RASD2: variants seen among roughly 807,000 people sequenced by gnomAD.
RASD2 encodes the protein RASD family member 2, also known as GTP-binding protein Rhes.
RASD2 carries 7 observed loss-of-function variants against 15.8 expected under a neutral mutation model. The ratio of observed to expected loss-of-function variants is 0.44; its 90% confidence interval spans 0.25 to 0.83. The LOEUF (loss-of-function observed/expected upper bound fraction) is 0.83, where lower values mean the gene tolerates loss of function less well. Among genes scored for constraint, RASD2 ranks in the 40% least tolerant of loss-of-function variants. The probability of loss-of-function intolerance (pLI) is 0.20; values close to 1 mark genes in which losing one functional copy is unlikely to be tolerated. For synonymous variants in RASD2, 155 were observed against 153.6 expected, an observed-to-expected ratio of 1.01 and a Z score of -0.07; for missense variants, 274 against 382.8, an observed-to-expected ratio of 0.72 and a Z score of 2.37.
rs113187606 is a variant in RASD2, at chr22:35,546,662, A to C, written c.-9-139A>C. On this transcript the variant is annotated intron_variant, in intron 1 of 2. Transcript: ENST00000216127. ...TGAATGAATGAGAGGGTAGAACTCC[A>C]AGACCCCTTAGAACCTCGTCTGATG... 1.6e-5 allele frequency: 19 copies of C among 1,186,578 alleles called. No homozygotes were observed. The East Asian group carries it at 4.9e-4, about 30-fold the overall frequency. The allele number at this position is 1,186,578 out of a possible 1,614,324, so 73.5% of individuals were successfully genotyped here.
chr22:35,547,968 G>A (rs1010922147), intron 2 of RASD2, among the ~76,000 whole-genome samples: 1 of 152,204 alleles, frequency 6.6e-6, no homozygotes, highest in African/African-American at 2.4e-5. Flanking sequence ...CTTTTTACAA[G>A]TGGGGAAACT....
intron 1 of RASD2, 72 bp from the exon 2 acceptor site, chr22:35,546,729 C>A: frequency 6.5e-7 from 1 of 1,545,854 alleles, no homozygotes; most frequent in Non-Finnish European, 8.7e-7. Flanking sequence ...AGACAGAGGC[C>A]TAGAGGAGGC....
chr22:35,544,426 G>A (rs73883454), intron 1 of RASD2, among the ~76,000 whole-genome samples: 4,856 of 152,338 alleles, frequency 0.032, 259 homozygotes, highest in African/African-American at 0.11. Context: ...GCTGCCCTAG[G>A]GGAGGGCCCT....
intron 1 of RASD2, 102 bp from the exon 2 acceptor site, chr22:35,546,699 C>G: frequency 7.0e-7 from 1 of 1,436,642 alleles, no homozygotes; most frequent in Non-Finnish European, 9.2e-7. Context: ...TCCCATTTTA[C>G]AGACAGAAAA....
chr22:35,546,033 G>A (rs1055573363), intron 1 of RASD2, among the ~76,000 whole-genome samples: 9 of 152,158 alleles, frequency 5.9e-5, no homozygotes, highest in African/African-American at 1.9e-4. Context: ...GCCATGGGTC[G>A]TTCCCCATTC....
upstream of RASD2, among the ~76,000 whole-genome samples, chr22:35,539,305 C>T (rs1160494808): frequency 2.0e-5 from 3 of 152,248 alleles, no homozygotes; most frequent in Middle Eastern, 3.4e-3. Context: ...AGGACTTGAA[C>T]GCCAGTCTCT....
At chr22:35,540,320 G>T (rs1274571258), upstream of RASD2, among the ~76,000 whole-genome samples, 1 of 151,098 alleles carries the variant, frequency 6.6e-6, no homozygotes, top group Admixed American at 6.6e-5. Flanking sequence ...CAAGGTGCGC[G>T]CGCCCAGCGG....
intron 2 of RASD2, among the ~76,000 whole-genome samples, chr22:35,549,540 G>C (rs555178932): frequency 6.6e-6 from 1 of 152,120 alleles, no homozygotes; most frequent in African/African-American, 2.4e-5. Flanking sequence ...TTAGCCTAAC[G>C]GGATGGGGTT....
rs1484347872 is a variant in RASD2, at chr22:35,552,119, C to T, written c.*87C>T. On this transcript the variant is annotated 3_prime_UTR_variant, in exon 3 of 3. Transcript: ENST00000216127. ...TGTGCGCATCTCCCCACCGAGGCCC[C>T]GGCAGCAGTCTTGTTCACAGACCTT... 6 of 1,468,940 alleles carry T rather than the reference C, an allele frequency of 4.1e-6. No homozygotes were observed. Among genetic ancestry groups the T allele is most frequent in the Admixed American group, 2.1e-5 (1 of 48,766 alleles). The allele number at this position is 1,468,940 out of a possible 1,614,324, so 91.0% of individuals were successfully genotyped here. A position where few individuals can be genotyped will look rare whatever the true frequency, so the allele number is the denominator to read the frequency against.
chr22:35,537,949 C>T (rs1934266663), upstream of RASD2, among the ~76,000 whole-genome samples: 1 of 140,598 alleles, frequency 7.1e-6, no homozygotes, highest in African/African-American at 2.6e-5. Flanking sequence ...GACTTTATAT[C>T]TTTTTTTTTT....
chr22:35,532,961 T>C, the RASD2 span, among the ~76,000 whole-genome samples: 2 of 152,170 alleles, frequency 1.3e-5, no homozygotes, highest in African/African-American at 2.4e-5. Flanking sequence ...AAAAACAGAC[T>C]AAGAATCCCA....
intron 1 of RASD2, among the ~76,000 whole-genome samples, chr22:35,544,564 C>T (rs569967796): frequency 3.9e-4 from 59 of 152,224 alleles, no homozygotes; most frequent in Non-Finnish European, 5.6e-4. Context: ...CTTTATTGAG[C>T]CCCTGCTCTG....
chr22:35,532,878 A>G, the RASD2 span, among the ~76,000 whole-genome samples: 1 of 152,180 alleles, frequency 6.6e-6, no homozygotes, highest in South Asian at 2.1e-4. Flanking sequence ...GGTCAGAAAC[A>G]GGAGGTGTTA....
chr22:35,547,428 G>T (rs571667285), intron 2 of RASD2, among the ~76,000 whole-genome samples: 1 of 152,266 alleles, frequency 6.6e-6, no homozygotes, highest in South Asian at 2.1e-4. Context: ...AGAGCTCCAG[G>T]GCCCAAGGTC....
chr22:35,550,048 G>T (rs756874159), intron 2 of RASD2, among the ~76,000 whole-genome samples: 5 of 152,052 alleles, frequency 3.3e-5, no homozygotes, highest in Non-Finnish European at 7.4e-5. Context: ...ATCTCTTGAG[G>T]TCAGGAGTTC....
the RASD2 span, among the ~76,000 whole-genome samples, chr22:35,533,712 G>GGGATGATGATGACAGTGATGATGGTGA: frequency 5.0e-5 from 6 of 119,674 alleles, no homozygotes; most frequent in African/African-American, 2.2e-4. Context: ...GGTGATGATG[G>GGGATGATGATGACAGTGATGATGGTGA]TGATGGTGAT....
rs1934524716 is a variant in RASD2 at position 35,547,025 on chromosome 22, G to A, written c.216G>A (p.Leu72=). The part of the protein sequence containing the change: ...IRGDMYQLDI[L]DTSGNHPFPA... ...GCGACATGTACCAGCTCGACATCCT[G>A]GATACCTCTGGCAACCACCCCTTCC... is the stretch of plus-strand genomic sequence containing the variant. The change falls in exon 2 of 3, where the codon CTG becomes CTA. Residue 72 remains leucine (L), a synonymous_variant. Coordinates refer to ENST00000216127, the MANE Select transcript of RASD2 (RefSeq NM_014310.4). 3 of 1,613,988 alleles carry A rather than the reference G, an allele frequency of 1.9e-6. No homozygotes were observed. Among genetic ancestry groups the A allele is most frequent in the African/African-American group, 2.7e-5 (2 of 74,896 alleles).
chr22:35,540,419 C>G (rs1934312816), upstream of RASD2, among the ~76,000 whole-genome samples: 1 of 148,824 alleles, frequency 6.7e-6, no homozygotes, highest in Admixed American at 6.7e-5. Flanking sequence ...GGCCGCGGGA[C>G]CCGCCTCCCA....
Position 35,551,997 on chromosome 22 carries a change from C to G in RASD2, c.766C>G (p.Gln256Glu). The change falls in exon 3 of 3, where the codon CAG becomes GAG. Residue 256 changes from glutamine (Q) to glutamate (E), a missense_variant. Transcript: ENST00000216127. This position sits in a 1 kb window ranked among gnomAD's most constrained non-coding sequence, Gnocchi z 4.9. ...CAAGGCCAAGGTCCTTCGGGAAGGC[C>G]AGGCCCGTGAGAGGGACAAGTGCAC... ...YIKAKVLREG[Q>E]ARERDKCTIQ The G allele has an allele frequency of 6.9e-6, 11 of 1,600,052 alleles. No individual in the cohort carries two copies. Among genetic ancestry groups the G allele is most frequent in the Non-Finnish European group, 8.5e-6 (10 of 1,179,744 alleles).
Sources: gnomAD v4.1 joint callset for allele counts (sites outside exome capture counted in the v4.1 genomes callset) on GRCh38, gnomAD v4.1.1 for gene constraint, Gnocchi (gnomAD v3.1) non-coding constraint, MANE v1.5 for transcripts, NCBI Gene and HGNC (gene_info 2026-07-23, HGNC 2026-07-21) for gene names.